RUFY1: variants seen among roughly 807,000 people sequenced by gnomAD.
RUFY1 encodes RUN and FYVE domain containing 1.
A neutral mutation model predicts 94.6 loss-of-function variants in RUFY1; 54 were observed. That is an observed-to-expected ratio of 0.57 (90% CI 0.46 to 0.72). The LOEUF is 0.72. Among genes scored for constraint, RUFY1 ranks in the 30% least tolerant of loss-of-function variants. The pLI is 0.00. For missense variants in RUFY1, 883 were observed against 883.9 expected, an observed-to-expected ratio of 1.00 and a Z score of 0.01; for synonymous variants, 396 against 347.3, an observed-to-expected ratio of 1.14 and a Z score of -1.56.
chr5:179,590,504 A>G (rs1319029275), intron 9 of RUFY1, among the ~76,000 whole-genome samples: 1 of 151,654 alleles, frequency 6.6e-6, no homozygotes. Flanking sequence ...GTTTGTTTCT[A>G]GACAGAGTCT....
chr5:179,563,794 C>G (rs1028092190), intron 3 of RUFY1, among the ~76,000 whole-genome samples: 1 of 152,090 alleles, frequency 6.6e-6, no homozygotes, highest in Non-Finnish European at 1.5e-5. Context: ...GCCTCAGCCT[C>G]CTGAGTAGCT....
chr5:179,609,593 T>G lies in RUFY1; in HGVS notation c.*74T>G. On this transcript the variant is annotated 3_prime_UTR_variant, in exon 18 of 18. Transcript: ENST00000319449. ...GGTCTCCAGGGGCTTGGGAAATGTGTTCTTTCCCAAGAGTATCAAAGGAAA... is the reference window on the plus strand; with the variant it reads ...GGTCTCCAGGGGCTTGGGAAATGTGGTCTTTCCCAAGAGTATCAAAGGAAA... The G allele has an allele frequency of 7.3e-7, 1 of 1,362,862 alleles. No individual in the cohort carries two copies. Among genetic ancestry groups the G allele is most frequent in the Non-Finnish European group, 9.8e-7 (1 of 1,023,446 alleles). 84.4% of individuals were successfully genotyped at this position (1,362,862 alleles called of 1,614,324 possible). A position where few individuals can be genotyped will look rare whatever the true frequency, so the allele number is the denominator to read the frequency against.
intron 14 of RUFY1, among the ~76,000 whole-genome samples, chr5:179,601,634 C>CAT (rs1469678667): frequency 6.6e-6 from 1 of 150,844 alleles, no homozygotes; most frequent in East Asian, 2.0e-4. Flanking sequence ...TCCTGGCCAA[C>CAT]ATGGTGAAAC....
At chr5:179,578,679 T>C (rs1353640765) in intron 6 of RUFY1, among the ~76,000 whole-genome samples, 1 of 152,158 alleles carries the variant, frequency 6.6e-6, no homozygotes, top group East Asian at 1.9e-4. Flanking sequence ...GTTTCGCTCT[T>C]GTTGACCAGG....
At chr5:179,585,685 T>C (rs1471319174) in intron 7 of RUFY1, 111 bp from the exon 8 acceptor site, 7 of 760,556 alleles carry the variant, frequency 9.2e-6, no homozygotes, top group Non-Finnish European at 1.6e-5. Flanking sequence ...GGAGACCCTC[T>C]GCCTTTCCAT....
At position 179,560,048 on chromosome 5, in the gene RUFY1, G is replaced by A; in HGVS notation, c.334G>A (p.Glu112Lys). The A allele has an allele frequency of 6.2e-7, 1 of 1,613,848 alleles. No homozygotes were observed. Among genetic ancestry groups the A allele is most frequent in the Non-Finnish European group, 8.5e-7 (1 of 1,179,900 alleles). Residue 112 changes from glutamate to lysine, a missense_variant, in exon 2 of 18, where the codon GAG (glutamate) becomes AAG (lysine). Glu to Lys is a moderately conservative substitution (Grantham distance 56). Transcript: ENST00000319449. The stretch of plus-strand genomic sequence containing the variant: ...AGCTTCTAAGTGCCAGATGATGGAG[G>A]AGCGTGCCAACCTGATGCACATGAT... The part of the protein sequence containing the change: ...RAASKCQMME[E>K]RANLMHMMKL...
Position 179,601,925 on chromosome 5 carries a change from C to T in RUFY1, c.1795C>T (p.Leu599=). The T allele has an allele frequency of 6.2e-7, 1 of 1,613,352 alleles. No homozygotes were observed. Among genetic ancestry groups the T allele is most frequent in the South Asian group, 1.1e-5 (1 of 91,068 alleles). The part of the protein sequence containing the change: ...LRELQDEKAE[L]QKICEEQEQA... ...GGAGCTTCAGGACGAGAAGGCAGAGCTGCAGAAGATCTGCGAGGAGCAGGA... is the reference window on the plus strand; with the variant it reads ...GGAGCTTCAGGACGAGAAGGCAGAGTTGCAGAAGATCTGCGAGGAGCAGGA... The change falls in exon 15 of 18, where the codon CTG becomes TTG. Residue 599 remains leucine, a synonymous_variant. Coordinates refer to ENST00000319449, the MANE Select transcript of RUFY1 (RefSeq NM_025158.5).
At position 179,581,010 on chromosome 5, in the gene RUFY1, G is replaced by A. The variant is rs1764112176; in HGVS notation, c.954G>A (p.Leu318=). 3.8e-6 allele frequency: 6 copies of A among 1,596,954 alleles called. No homozygotes were observed. In the African/African-American group the frequency reaches 5.4e-5, roughly 14 times the overall value. Residue 318 remains leucine (L), a splice_region_variant and synonymous_variant, in exon 7 of 18, where the codon TTG becomes TTA. Transcript: ENST00000319449. The stretch of plus-strand genomic sequence containing the variant: ...ATGTGGAAGAACTTAACCGGCACTT[G>A]AGGTAAGACTCCTTTTTTTTTCAAT... The part of the protein sequence containing the change: ...KNYVEELNRH[L]SCTVGDLQTK...
At chr5:179,577,187 TTTGAG>T in intron 6 of RUFY1, 51 bp downstream of exon 6, 1 of 1,066,980 alleles carries the variant, frequency 9.4e-7, no homozygotes, top group Non-Finnish European at 1.3e-6. Context: ...TTTTTTTTTT[TTTGAG>T]ACAGAATCTG....
intron 8 of RUFY1, 74 bp downstream of exon 8, chr5:179,585,939 G>T: frequency 8.3e-7 from 1 of 1,197,750 alleles, no homozygotes; most frequent in Middle Eastern, 1.9e-4. Context: ...TAGTCGGTCT[G>T]CGATAGCAGA....
At chr5:179,592,388 G>A (rs1035391782) in intron 10 of RUFY1, among the ~76,000 whole-genome samples, 1 of 152,190 alleles carries the variant, frequency 6.6e-6, no homozygotes, top group African/African-American at 2.4e-5. Flanking sequence ...AAAGTGCTGG[G>A]ATTACAGGCC....
intron 3 of RUFY1, among the ~76,000 whole-genome samples, chr5:179,563,818 C>T (rs1305358937): frequency 1.3e-5 from 2 of 152,020 alleles, no homozygotes; most frequent in African/African-American, 2.4e-5. Context: ...ATTACAGGCA[C>T]GTGCCACCAC....
At chr5:179,576,392 G>A (rs558400903) in intron 5 of RUFY1, among the ~76,000 whole-genome samples, 2 of 152,278 alleles carry the variant, frequency 1.3e-5, no homozygotes, top group South Asian at 2.1e-4. Context: ...ACTCAGAAAT[G>A]TCAGTTAAGG....
chr5:179,601,858 T>G, intron 14 of RUFY1, 34 bp from the exon 15 acceptor site: 3 of 947,152 alleles, frequency 3.2e-6, no homozygotes, highest in Non-Finnish European at 5.1e-6. Flanking sequence ...CGTGTAATCC[T>G]CTGTCCAGCA....
intron 13 of RUFY1, among the ~76,000 whole-genome samples, chr5:179,597,928 G>A (rs966083723): frequency 1.2e-4 from 18 of 152,056 alleles, no homozygotes; most frequent in African/African-American, 3.9e-4. Context: ...GGTGGCTCAC[G>A]CCCATAATCC....
At position 179,605,364 on chromosome 5, in the gene RUFY1, C is replaced by T. The variant is rs556915701; in HGVS notation, c.1857-512C>T. ...TTGGTTTAGTTCTGCCAATTTAGAC[C>T]ATGTTCAGTCCTGTCTCTTGTGTAA... On this transcript the variant is annotated intron_variant, in intron 15 of 17. Transcript: ENST00000319449. 1.3e-4 allele frequency among the ~76,000 whole-genome samples: 20 copies of T among 152,006 alleles called. No individual in the cohort carries two copies. In the South Asian group the frequency reaches 4.2e-3, roughly 32 times the overall value.
Position 179,550,592 on chromosome 5 carries a change from G to C in RUFY1, c.23G>C (p.Cys8Ser), listed in dbSNP as rs558217154. 583 of 1,280,786 alleles carry C rather than the reference G, an allele frequency of 4.6e-4. 2 individuals carry two copies. The African/African-American group carries it at 0.013, about 28-fold the overall frequency. 79.3% of individuals were successfully genotyped at this position (1,280,786 alleles called of 1,614,324 possible). A position where few individuals can be genotyped will look rare whatever the true frequency, so the allele number is the denominator to read the frequency against. MADREGG[C>S]AAGRGRELEP... Reference sequence around the variant, plus strand: ...AAGATGGCCGACCGGGAAGGCGGCTGCGCTGCTGGGCGGGGGCGGGAGCTG... The same window carrying C: ...AAGATGGCCGACCGGGAAGGCGGCTCCGCTGCTGGGCGGGGGCGGGAGCTG... The change falls in exon 1 of 18, where the codon TGC becomes TCC. Residue 8 changes from cysteine to serine, a missense_variant. Physicochemically the swap from Cys to Ser is moderately radical, Grantham distance 112. Coordinates refer to ENST00000319449, the MANE Select transcript of RUFY1 (RefSeq NM_025158.5).
At chr5:179,581,187 A>T (rs1764129382) in intron 7 of RUFY1, among the ~76,000 whole-genome samples, 175 bp downstream of exon 7, 1 of 152,210 alleles carries the variant, frequency 6.6e-6, no homozygotes, top group African/African-American at 2.4e-5. Context: ...TTTCTTCTTG[A>T]TAAACTCTTG....
At chr5:179,590,487 GTTGT>G (rs910634405) in intron 9 of RUFY1, among the ~76,000 whole-genome samples, 10 of 151,536 alleles carry the variant, frequency 6.6e-5, no homozygotes, top group South Asian at 2.1e-4. Flanking sequence ...TTTTGTTGTT[GTTGT>G]TTGTTTGTTT....
Sources: gnomAD v4.1 joint callset for allele counts (sites outside exome capture counted in the v4.1 genomes callset) on GRCh38, gnomAD v4.1.1 for gene constraint, MANE v1.5 for transcripts, NCBI Gene and HGNC (gene_info 2026-07-23, HGNC 2026-07-21) for gene names.